The following DTWD1 variants were observed in gnomAD, a reference collection of about 807,000 sequenced individuals.
The protein encoded by DTWD1 is DTW motif tRNA-uridine aminocarboxypropyltransferase 1, also known as tRNA-uridine aminocarboxypropyltransferase 1.
In DTWD1, 27 loss-of-function variants were observed where a neutral mutation model predicts 30.2. That is an observed-to-expected ratio of 0.90 (90% CI 0.66 to 1.23). The LOEUF (loss-of-function observed/expected upper bound fraction) is 1.23, where lower values mean the gene tolerates loss of function less well. Among genes scored for constraint, DTWD1 ranks in the 50% most tolerant of loss-of-function variants. The pLI is 0.00. For synonymous variants in DTWD1, 99 were observed against 113.1 expected (o/e 0.88, Z 0.79); for missense variants, 342 against 348.8 (o/e 0.98, Z 0.15).
rs971328766 is a variant in DTWD1 at position 49,650,233 on chromosome 15, T to C, written c.*6655T>C. ...AATGGTGTGGAGCCATGGTAAGATG[T>C]TAAGATTTTACTCTGAGTGATGAGA... is the stretch of plus-strand genomic sequence containing the variant. On this transcript the variant is annotated 3_prime_UTR_variant, in exon 5 of 5. Transcript: ENST00000403028. The C allele has an allele frequency of 6.6e-6, 1 of 152,044 alleles. No homozygotes were observed. The highest frequency in any genetic ancestry group is 1.5e-5 in the Non-Finnish European group (1 of 67,996). The allele number at this position is 152,044 out of a possible 1,614,324, so 9.4% of individuals were successfully genotyped here. A position where few individuals can be genotyped will look rare whatever the true frequency, so the allele number is the denominator to read the frequency against.
intron 4 of DTWD1, among the ~76,000 whole-genome samples, chr15:49,638,875 A>G (rs2079033131): frequency 6.6e-6 from 1 of 152,208 alleles, no homozygotes; most frequent in Non-Finnish European, 1.5e-5. Flanking sequence ...CTACAGGTGA[A>G]GAATGATATA....
intron 3 of DTWD1, among the ~76,000 whole-genome samples, 184 bp from the exon 4 acceptor site, chr15:49,634,352 A>G (rs1418679090): frequency 1.3e-5 from 2 of 152,114 alleles, no homozygotes; most frequent in African/African-American, 4.8e-5. Flanking sequence ...TATTATGATT[A>G]TAAATTACTA....
rs2079138268 is a variant in DTWD1 at position 49,649,180 on chromosome 15, T to C, written c.*5602T>C. 7 of 152,154 alleles carry C rather than the reference T, an allele frequency of 4.6e-5. No individual in the cohort carries two copies. The South Asian group carries it at 1.5e-3, about 32-fold the overall frequency. 9.4% of individuals were successfully genotyped at this position (152,154 alleles called of 1,614,324 possible). On this transcript the variant is annotated 3_prime_UTR_variant, in exon 5 of 5. Transcript: ENST00000403028. ...AAATAGGTCGTATATCGACCAATAA[T>C]CAGGATATTAAAGGACTTCTTAACA...
rs142111670 is a variant in DTWD1 at position 49,621,070 on chromosome 15, C to T, written c.-108C>T. 3.0e-4 allele frequency: 46 copies of T among 152,712 alleles called. No homozygotes were observed. The highest frequency in any genetic ancestry group is 4.1e-4 in the Non-Finnish European group (28 of 68,324). 9.5% of individuals were successfully genotyped at this position (152,712 alleles called of 1,614,324 possible). A position where few individuals can be genotyped will look rare whatever the true frequency, so the allele number is the denominator to read the frequency against. On this transcript the variant is annotated 5_prime_UTR_variant, in exon 1 of 5. Transcript: ENST00000403028. ...ATCACGGCCCGGCGCGTGGCTCGGG[C>T]TCGGGCGGAGCTGGAGACGTGTGGA... is the stretch of plus-strand genomic sequence containing the variant.
At chr15:49,627,893 C>G (rs1017586512) in intron 2 of DTWD1, among the ~76,000 whole-genome samples, 4 of 151,994 alleles carry the variant, frequency 2.6e-5, no homozygotes, top group Admixed American at 2.6e-4. Context: ...TTAGGGTACA[C>G]TACATTTATG....
At chr15:49,626,303 G>T (rs2078843967) in intron 2 of DTWD1, among the ~76,000 whole-genome samples, 1 of 152,060 alleles carries the variant, frequency 6.6e-6, no homozygotes, top group South Asian at 2.1e-4. Context: ...TATACATGGG[G>T]ATGGAGCAGA....
Position 49,625,125 on chromosome 15 carries a change from A to T in DTWD1, c.-43A>T. 6.3e-7 allele frequency: 1 copy of T among 1,580,906 alleles called. No individual in the cohort carries two copies. Among genetic ancestry groups the T allele is most frequent in the Non-Finnish European group, 8.6e-7 (1 of 1,156,962 alleles). On this transcript the variant is annotated 5_prime_UTR_variant, in exon 2 of 5. The change abolishes an upstream ATG in the 5' untranslated region. Coordinates refer to ENST00000403028, the MANE Select transcript of DTWD1 (RefSeq NM_001144955.2). ...TTTTTTTTTACAGTGCACCTATGAT[A>T]TGTGTTTTAGAAATAGCCGTTAAAC...
Position 49,643,382 on chromosome 15 carries a change from A to C in DTWD1, c.719A>C (p.Gln240Pro). 3 of 1,580,286 alleles carry C rather than the reference A, an allele frequency of 1.9e-6. No homozygotes were observed. Among genetic ancestry groups the C allele is most frequent in the Non-Finnish European group, 2.6e-6 (3 of 1,169,218 alleles). Residue 240 changes from glutamine to proline, a missense_variant, in exon 5 of 5, where the codon CAA becomes CCA. Coordinates refer to ENST00000403028, the MANE Select transcript of DTWD1 (RefSeq NM_001144955.2). ...AGAAAAACTTGCTTTTGGCGCCATC[A>C]AAAAGGAAAGCCAGATACTTTCCTT... is the stretch of plus-strand genomic sequence containing the variant. The part of the protein sequence containing the change: ...KTRKTCFWRH[Q>P]KGKPDTFLST...
intron 4 of DTWD1, among the ~76,000 whole-genome samples, chr15:49,638,826 G>A (rs1022245153): frequency 6.6e-6 from 1 of 152,120 alleles, no homozygotes; most frequent in Non-Finnish European, 1.5e-5. Flanking sequence ...ACACTTGAAG[G>A]TAGAGTGCCT....
At chr15:49,639,024 C>G (rs1300549655) in intron 4 of DTWD1, among the ~76,000 whole-genome samples, 1 of 152,130 alleles carries the variant, frequency 6.6e-6, no homozygotes, top group Non-Finnish European at 1.5e-5. Context: ...AGCTCTTTCC[C>G]TTCAGTTTGA....
At chr15:49,636,071 T>C (rs2078998443) in intron 4 of DTWD1, among the ~76,000 whole-genome samples, 1 of 152,202 alleles carries the variant, frequency 6.6e-6, no homozygotes, top group African/African-American at 2.4e-5. Context: ...TTTTCTGGGA[T>C]ATTATAGAAA....
At chr15:49,643,306 CTTTT>C (rs5812490) in intron 4 of DTWD1, 21 bp from the exon 5 acceptor site, 1,740 of 1,194,278 alleles carry the variant, frequency 1.5e-3, no homozygotes, top group East Asian at 2.6e-3. Context: ...TTCTTTCTTT[CTTTT>C]TTTTTTTTTT....
intron 1 of DTWD1, chr15:49,623,940 C>T (rs550986125): frequency 6.6e-6 from 1 of 151,992 alleles, no homozygotes; most frequent in Non-Finnish European, 1.5e-5. Flanking sequence ...AAAATATTTA[C>T]TGTATTTTGT....
Position 49,653,712 on chromosome 15 carries a change from TAAG to T in DTWD1, c.*10135_*10137del, listed in dbSNP as rs1207920728. ...GAAACTTAATAGCTTGTAGATGTCTTAAGGAGATTTCCAGGTGAATGTTGAAAG... is the reference window on the plus strand; with the variant it reads ...GAAACTTAATAGCTTGTAGATGTCTTGAGATTTCCAGGTGAATGTTGAAAG... On this transcript the variant is annotated 3_prime_UTR_variant, in exon 5 of 5. Transcript: ENST00000403028. 3.3e-5 allele frequency: 5 copies of T among 152,054 alleles called. No homozygotes were observed. Among genetic ancestry groups the T allele is most frequent in the African/African-American group, 4.8e-5 (2 of 41,392 alleles). The allele number at this position is 152,054 out of a possible 1,614,324, so 9.4% of individuals were successfully genotyped here. A position where few individuals can be genotyped will look rare whatever the true frequency, so the allele number is the denominator to read the frequency against.
chr15:49,642,951 A>G (rs1181460413), intron 4 of DTWD1, among the ~76,000 whole-genome samples: 1 of 152,024 alleles, frequency 6.6e-6, no homozygotes, highest in Non-Finnish European at 1.5e-5. Flanking sequence ...TCAGTTTGTC[A>G]AGGAAATGAA....
rs183785740 is a variant in DTWD1, at chr15:49,627,539, T to G, written c.264+2108T>G. Among the ~76,000 whole-genome samples the G allele has an allele frequency of 5.3e-5, 8 of 152,264 alleles. No homozygotes were observed. In the East Asian group the frequency reaches 1.5e-3, roughly 29 times the overall value. ...GAGTCGTTAGGCAAATTCACTGTTG[T>G]GCAAACATAATAGAATGTACTTACA... On this transcript the variant is annotated intron_variant, in intron 2 of 4. Coordinates refer to ENST00000403028, the MANE Select transcript of DTWD1 (RefSeq NM_001144955.2).
Position 49,652,014 on chromosome 15 carries a change from C to T in DTWD1, c.*8436C>T, listed in dbSNP as rs929689733. On this transcript the variant is annotated 3_prime_UTR_variant, in exon 5 of 5. Coordinates refer to ENST00000403028, the MANE Select transcript of DTWD1 (RefSeq NM_001144955.2). ...CAGAGTATGTACTGGATCAATTATC[C>T]TTATATAGCATGTGCCCCAATATGA... The T allele has an allele frequency of 6.6e-6, 1 of 151,972 alleles. No homozygotes were observed. The highest frequency in any genetic ancestry group is 6.6e-5 in the Admixed American group (1 of 15,258). The allele number at this position is 151,972 out of a possible 1,614,324, so 9.4% of individuals were successfully genotyped here. A position where few individuals can be genotyped will look rare whatever the true frequency, so the allele number is the denominator to read the frequency against.
At chr15:49,637,745 T>C (rs1237973738) in intron 4 of DTWD1, among the ~76,000 whole-genome samples, 2 of 152,198 alleles carry the variant, frequency 1.3e-5, no homozygotes, top group Non-Finnish European at 2.9e-5. Flanking sequence ...CTCAGGCTAG[T>C]GTTAAAAATG....
chr15:49,630,880 A>G (rs2078910799), intron 2 of DTWD1: 2 of 242,718 alleles, frequency 8.2e-6, no homozygotes, highest in Non-Finnish European at 1.8e-5. Flanking sequence ...GATCAGCGGC[A>G]GCATTAGATT....
Sources: allele counts gnomAD v4.1 joint callset (sites outside exome capture counted in the v4.1 genomes callset), GRCh38; gene constraint gnomAD v4.1.1; transcripts MANE v1.5; gene names NCBI Gene and HGNC (gene_info 2026-07-23, HGNC 2026-07-21).